Variants in PLA2G6 observed in about 807,000 individuals in gnomAD.
The protein encoded by PLA2G6 is 85/88 kDa calcium-independent phospholipase A2.
Under a neutral mutation model 83.8 loss-of-function variants are expected in PLA2G6, and 62 were observed. That is an observed-to-expected ratio of 0.74 (90% CI 0.60 to 0.91). The LOEUF (loss-of-function observed/expected upper bound fraction) is 0.91, where lower values mean the gene tolerates loss of function less well. PLA2G6 is among the 40% of genes least tolerant of loss of function. The pLI is 0.00. For missense variants in PLA2G6, 944 were observed against 1,102.0 expected, an observed-to-expected ratio of 0.86 and a Z score of 2.03; for synonymous variants, 417 against 449.8, an observed-to-expected ratio of 0.93 and a Z score of 0.92.
Position 38,152,443 on chromosome 22 carries a change from G to A in PLA2G6, c.210-6790C>T, listed in dbSNP as rs191274566. 3.1e-3 allele frequency among the ~76,000 whole-genome samples: 477 copies of A among 151,726 alleles called. 2 individuals carry two copies. Among genetic ancestry groups the A allele is most frequent in the South Asian group, 5.4e-3 (26 of 4,792 alleles). Reference sequence around the variant, plus strand: ...CTGGTCTCAAAACTCCCGACCTCAGGTGATCCACTCGCCTTGGCCACCCAA... The same window carrying A: ...CTGGTCTCAAAACTCCCGACCTCAGATGATCCACTCGCCTTGGCCACCCAA... On this transcript the variant is annotated intron_variant, in intron 2 of 16. Coordinates refer to ENST00000332509, the MANE Select transcript of PLA2G6 (RefSeq NM_003560.4).
At chr22:38,164,740 C>A (rs967883651) in intron 2 of PLA2G6, among the ~76,000 whole-genome samples, 3 of 152,190 alleles carry the variant, frequency 2.0e-5, no homozygotes, top group Non-Finnish European at 4.4e-5. Context: ...GCAGCCCATG[C>A]TCACTCTAAC....
chr22:38,160,395 CA>C (rs1342088285), intron 2 of PLA2G6, among the ~76,000 whole-genome samples: 1 of 151,932 alleles, frequency 6.6e-6, no homozygotes, highest in African/African-American at 2.4e-5. Context: ...ATGTATGCAC[CA>C]AAAAAACTAG....
rs772809443 is a variant in PLA2G6 at position 38,128,288 on chromosome 22, C to G, written c.1329G>C (p.Pro443=). 1.2e-6 allele frequency: 2 copies of G among 1,612,694 alleles called. No homozygotes were observed. Among genetic ancestry groups the G allele is most frequent in the Non-Finnish European group, 1.7e-6 (2 of 1,179,944 alleles). ...GCCTACCTAGGTTGTTTAGGCTGATCGGTGGGGGCTGAGCTCTTTCCAGGG... is the reference window on the plus strand; with the variant it reads ...GCCTACCTAGGTTGTTTAGGCTGATGGGTGGGGGCTGAGCTCTTTCCAGGG... ...PFSLERAQPP[P]ISLNNLELQD... Residue 443 remains proline (P), a synonymous_variant, in exon 9 of 17, where the codon CCG becomes CCC. Coordinates refer to ENST00000332509, the MANE Select transcript of PLA2G6 (RefSeq NM_003560.4). This position sits in a 1 kb window ranked among gnomAD's most constrained non-coding sequence, Gnocchi z 4.4.
In PLA2G6 at chr22:38,112,898, T is replaced by G. The variant is rs2086968957; in HGVS notation, c.2203-321A>C. ...TTTCCCTCCCTCCCTCCTCTCTCTC[T>G]CTCTCTCTCTTTCTTTCTTTCTTTT... On this transcript the variant is annotated intron_variant, in intron 15 of 16. Coordinates refer to ENST00000332509, the MANE Select transcript of PLA2G6 (RefSeq NM_003560.4). 3 of 517,636 alleles carry G rather than the reference T, an allele frequency of 5.8e-6. No homozygotes were observed. In the Admixed American group the frequency reaches 9.8e-5, roughly 17 times the overall value. 32.1% of individuals were successfully genotyped at this position (517,636 alleles called of 1,614,324 possible). A position where few individuals can be genotyped will look rare whatever the true frequency, so the allele number is the denominator to read the frequency against.
chr22:38,142,879 G>C, intron 4 of PLA2G6: 1 of 625,352 alleles, frequency 1.6e-6, no homozygotes, highest in Admixed American at 2.5e-5. Context: ...GTTGGAGGCC[G>C]TCCCCAGGTT....
chr22:38,180,705 G>T (rs974933776), intron 1 of PLA2G6, among the ~76,000 whole-genome samples: 1 of 152,106 alleles, frequency 6.6e-6, no homozygotes, highest in Non-Finnish European at 1.5e-5. Context: ...TTTGTACAGG[G>T]CCATACTGGT....
chr22:38,136,978 T>G (rs1328484560), intron 5 of PLA2G6: 1 of 152,416 alleles, frequency 6.6e-6, no homozygotes, highest in African/African-American at 2.4e-5. Flanking sequence ...GCTCAAGCGA[T>G]CCTCCTGCCT....
At chr22:38,174,006 T>C (rs1329116719) in intron 1 of PLA2G6, among the ~76,000 whole-genome samples, 1 of 151,506 alleles carries the variant, frequency 6.6e-6, no homozygotes, top group Non-Finnish European at 1.5e-5. Flanking sequence ...TGAGCCAAGA[T>C]TGCACTACTG....
At position 38,116,117 on chromosome 22, in the gene PLA2G6, A is replaced by G; in HGVS notation, c.1837T>C (p.Phe613Leu). 6.2e-7 allele frequency: 1 copy of G among 1,614,050 alleles called. No individual in the cohort carries two copies. Among genetic ancestry groups the G allele is most frequent in the Non-Finnish European group, 8.5e-7 (1 of 1,180,010 alleles). ...GGCCTGAGGTTAACGTTCTGGTTGA[A>G]ACGAGGCTCCCGGACAGTTTCTGGA... is the stretch of plus-strand genomic sequence containing the variant. ...DAPETVREPR[F>L]NQNVNLRPPA... The change falls in exon 13 of 17, where the codon TTC (phenylalanine) becomes CTC (leucine). Residue 613 changes from phenylalanine to leucine, a missense_variant. Phe to Leu is a conservative substitution (Grantham distance 22). Coordinates refer to ENST00000332509, the MANE Select transcript of PLA2G6 (RefSeq NM_003560.4).
intron 2 of PLA2G6, among the ~76,000 whole-genome samples, chr22:38,154,868 G>A (rs1399397660): frequency 1.3e-5 from 2 of 152,180 alleles, no homozygotes; most frequent in East Asian, 3.8e-4. Flanking sequence ...TGAAATTCAA[G>A]CTAACACAGA....
intron 1 of PLA2G6, among the ~76,000 whole-genome samples, chr22:38,178,206 C>A (rs535757386): frequency 6.6e-6 from 1 of 152,246 alleles, no homozygotes; most frequent in African/African-American, 2.4e-5. Context: ...CATGTTATGA[C>A]TCACTCCACA....
intron 1 of PLA2G6, among the ~76,000 whole-genome samples, chr22:38,174,014 C>T (rs9306323): frequency 0.076 from 11,522 of 152,030 alleles, 1,016 homozygotes; most frequent in African/African-American, 0.21. Flanking sequence ...GATTGCACTA[C>T]TGCACTCCAG....
chr22:38,142,286 T>G (rs2088964094), intron 4 of PLA2G6: 1 of 152,088 alleles, frequency 6.6e-6, no homozygotes, highest in Non-Finnish European at 1.5e-5. Flanking sequence ...AACATGATCT[T>G]TAGAAGAATT....
At position 38,112,778 on chromosome 22, in the gene PLA2G6, G is replaced by A. The variant is rs11570761; in HGVS notation, c.2203-201C>T. The A allele has an allele frequency of 1.7e-3, 1,086 of 629,000 alleles. 11 individuals carry two copies. The African/African-American group carries it at 0.018, about 10-fold the overall frequency. 39.0% of individuals were successfully genotyped at this position (629,000 alleles called of 1,614,324 possible). A position where few individuals can be genotyped will look rare whatever the true frequency, so the allele number is the denominator to read the frequency against. ...GGACTGTCCCAGCTGTGCAATCAGAGGGGCAGAGGTCTCAGCAGTGCCCTT... is the reference window on the plus strand; with the variant it reads ...GGACTGTCCCAGCTGTGCAATCAGAAGGGCAGAGGTCTCAGCAGTGCCCTT... On this transcript the variant is annotated intron_variant, in intron 15 of 16. Coordinates refer to ENST00000332509, the MANE Select transcript of PLA2G6 (RefSeq NM_003560.4).
intron 14 of PLA2G6, chr22:38,113,949 C>G: frequency 2.0e-6 from 1 of 498,520 alleles, no homozygotes; most frequent in South Asian, 1.8e-5. Context: ...GATGCTGGCC[C>G]AAGTCAAGTC....
At chr22:38,135,215 C>A in intron 5 of PLA2G6, 131 bp from the exon 6 acceptor site, 1 of 695,488 alleles carries the variant, frequency 1.4e-6, no homozygotes, top group Non-Finnish European at 2.6e-6. Flanking sequence ...CAAACCCAAC[C>A]AGCACACTCA....
intron 12 of PLA2G6, 163 bp from the exon 13 acceptor site, chr22:38,116,374 C>G (rs1033107285): frequency 2.5e-6 from 2 of 802,106 alleles, no homozygotes; most frequent in East Asian, 2.7e-5. Flanking sequence ...AACAGGCTCT[C>G]TCCGGCAGTG....
rs1281336850 is a variant in PLA2G6, at chr22:38,116,274, A to G, written c.1743-63T>C. The stretch of plus-strand genomic sequence containing the variant: ...CGCCCATCCACCTTTCCCTTTCCCC[A>G]CAATTCACACCCCAGGGCCTTGGGT... On this transcript the variant is annotated intron_variant, in intron 12 of 16. Transcript: ENST00000332509. The G allele has an allele frequency of 5.7e-6, 9 of 1,576,524 alleles. No homozygotes were observed. In the Admixed American group the frequency reaches 1.3e-4, roughly 23 times the overall value.
chr22:38,175,923 C>T (rs1239882353), intron 1 of PLA2G6, among the ~76,000 whole-genome samples: 1 of 152,176 alleles, frequency 6.6e-6, no homozygotes, highest in Non-Finnish European at 1.5e-5. Flanking sequence ...CACCTATAAG[C>T]CCATGGGGCC....
Sources: gnomAD v4.1 joint callset for allele counts (sites outside exome capture counted in the v4.1 genomes callset) on GRCh38, gnomAD v4.1.1 for gene constraint, Gnocchi (gnomAD v3.1) non-coding constraint, MANE v1.5 for transcripts, NCBI Gene and HGNC (gene_info 2026-07-23, HGNC 2026-07-21) for gene names.